SLC25A26: variants seen among roughly 807,000 people sequenced by gnomAD.
The protein encoded by SLC25A26 is solute carrier family 25 member 26, also known as mitochondrial S-adenosylmethionine carrier protein.
Under a neutral mutation model 37.8 loss-of-function variants are expected in SLC25A26, and 36 were observed. The ratio of observed to expected loss-of-function variants is 0.95; its 90% CI spans 0.73 to 1.26. The LOEUF (loss-of-function observed/expected upper bound fraction) is 1.26. Ranked by LOEUF, SLC25A26 falls within the 50% of genes most tolerant of loss-of-function variation. SLC25A26 has a pLI of 0.00. For missense variants in SLC25A26, 390 were observed against 331.1 expected, an observed-to-expected ratio of 1.18 and a Z score of -1.38; for synonymous variants, 129 against 122.5, an observed-to-expected ratio of 1.05 and a Z score of -0.35.
intron 7 of SLC25A26, among the ~76,000 whole-genome samples, chr3:66,366,542 C>T (rs1359223281): frequency 3.3e-5 from 5 of 152,188 alleles, no homozygotes; most frequent in African/African-American, 1.2e-4. Context: ...ATGTTTCTGT[C>T]TGTAACTTTT....
chr3:66,273,673 T>C (rs2074033293), intron 5 of SLC25A26, among the ~76,000 whole-genome samples: 5 of 152,052 alleles, frequency 3.3e-5, no homozygotes, highest in Admixed American at 3.3e-4. Flanking sequence ...AATAAAATAC[T>C]TAGGAATCTA....
intron 1 of SLC25A26, among the ~76,000 whole-genome samples, chr3:66,213,480 A>G (rs1020951224): frequency 1.3e-4 from 18 of 142,464 alleles, no homozygotes; most frequent in African/African-American, 4.6e-4. Context: ...AATTTTTTTT[A>G]GAGAAATTTT....
intron 1 of SLC25A26, among the ~76,000 whole-genome samples, chr3:66,182,003 T>C (rs2070718784): frequency 6.6e-6 from 1 of 152,196 alleles, no homozygotes; most frequent in Non-Finnish European, 1.5e-5. Flanking sequence ...TGCCTTGTTT[T>C]AGCTCAAAGA....
At chr3:66,266,897 A>G (rs1010847929) in intron 5 of SLC25A26, among the ~76,000 whole-genome samples, 59 of 152,170 alleles carry the variant, frequency 3.9e-4, no homozygotes, top group African/African-American at 1.4e-3. Flanking sequence ...ATACTCTTGG[A>G]TGTGAATTAG....
At chr3:66,181,867 G>A (rs759182746) in intron 1 of SLC25A26, among the ~76,000 whole-genome samples, 38 of 142,288 alleles carry the variant, frequency 2.7e-4, no homozygotes, top group Admixed American at 9.0e-4. Flanking sequence ...CTGGACCTGC[G>A]TGTCTTTTCT....
At chr3:66,351,921 T>C (rs2076462271) in intron 6 of SLC25A26, among the ~76,000 whole-genome samples, 3 of 152,022 alleles carry the variant, frequency 2.0e-5, no homozygotes, top group African/African-American at 4.8e-5. Flanking sequence ...TCCCAAAATA[T>C]CTTCTTCACA....
intron 5 of SLC25A26, among the ~76,000 whole-genome samples, chr3:66,282,052 C>A (rs573023447): frequency 3.6e-5 from 5 of 138,942 alleles, no homozygotes; most frequent in Non-Finnish European, 6.0e-5. Context: ...TCGCCCAGGC[C>A]GGACTGCGGA....
chr3:66,276,960 A>G (rs1255257563), intron 5 of SLC25A26, among the ~76,000 whole-genome samples: 1 of 151,628 alleles, frequency 6.6e-6, no homozygotes, highest in African/African-American at 2.4e-5. Context: ...ACTGTTTGAA[A>G]AAAAAAAAAA....
At position 66,222,274 on chromosome 3, in the gene SLC25A26, G is replaced by C. The variant is rs141269598; in HGVS notation, c.33+1147G>C. On this transcript the variant is annotated intron_variant, in intron 1 of 9. Transcript: ENST00000354883. The stretch of plus-strand genomic sequence containing the variant: ...CGGCTCACTGCAGGCTCCACCTCTC[G>C]GGTTCACGCCATTCTCCTGCCTCAG... Among the ~76,000 whole-genome samples the C allele has an allele frequency of 2.6e-3, 386 of 151,052 alleles. 1 individual carries two copies. The highest frequency in any genetic ancestry group is 9.2e-3 in the African/African-American group (379 of 41,068).
intron 5 of SLC25A26, among the ~76,000 whole-genome samples, chr3:66,263,648 T>C (rs902973299): frequency 3.5e-5 from 5 of 143,674 alleles, no homozygotes; most frequent in African/African-American, 5.4e-5. Flanking sequence ...ATGTCTCTTA[T>C]AGTTGAAGTA....
chr3:66,257,715 A>G (rs1409538990), intron 3 of SLC25A26, among the ~76,000 whole-genome samples: 3 of 152,138 alleles, frequency 2.0e-5, no homozygotes, highest in African/African-American at 7.2e-5. Flanking sequence ...CTGTGTTAAA[A>G]CCACACTATT....
chr3:66,326,649 C>T (rs891190423), intron 5 of SLC25A26, among the ~76,000 whole-genome samples: 1 of 152,320 alleles, frequency 6.6e-6, no homozygotes, highest in African/African-American at 2.4e-5. Flanking sequence ...GCCTGGGTTC[C>T]CGAGAAGCAG....
At chr3:66,320,602 A>G (rs937772408) in intron 5 of SLC25A26, among the ~76,000 whole-genome samples, 3 of 152,202 alleles carry the variant, frequency 2.0e-5, no homozygotes, top group East Asian at 3.8e-4. Context: ...GTGTATACCT[A>G]TAAGTGGAGT....
intron 6 of SLC25A26, among the ~76,000 whole-genome samples, chr3:66,351,388 A>G (rs991109253): frequency 2.0e-5 from 3 of 152,240 alleles, no homozygotes; most frequent in Admixed American, 2.0e-4. Flanking sequence ...AAAGTCTTAG[A>G]GAAGATAATT....
At chr3:66,331,527 A>G (rs1267993327) in intron 5 of SLC25A26, among the ~76,000 whole-genome samples, 3 of 152,174 alleles carry the variant, frequency 2.0e-5, no homozygotes, top group African/African-American at 4.8e-5. Flanking sequence ...AACAGAATAT[A>G]GATAGGTCTT....
chr3:66,239,270 T>G (rs893394328), intron 2 of SLC25A26, among the ~76,000 whole-genome samples: 33 of 152,102 alleles, frequency 2.2e-4, no homozygotes, highest in African/African-American at 8.0e-4. Context: ...CAACCTTTTT[T>G]TTTTTTTGCC....
At chr3:66,306,939 G>A (rs1315048267) in intron 5 of SLC25A26, among the ~76,000 whole-genome samples, 3 of 152,088 alleles carry the variant, frequency 2.0e-5, no homozygotes, top group African/African-American at 7.2e-5. Flanking sequence ...CAAGTCTTTG[G>A]TATTGTAAAT....
At chr3:66,179,680 C>T (rs1467243374) in intron 1 of SLC25A26, among the ~76,000 whole-genome samples, 2 of 151,832 alleles carry the variant, frequency 1.3e-5, no homozygotes, top group Admixed American at 6.6e-5. Context: ...AACATATACG[C>T]TTTAGTTTAT....
At chr3:66,179,698 A>T (rs2106752654) in intron 1 of SLC25A26, among the ~76,000 whole-genome samples, 1 of 152,222 alleles carries the variant, frequency 6.6e-6, no homozygotes, top group Non-Finnish European at 1.5e-5. Context: ...TATCTTCCAT[A>T]AGAACTTCTT....
Sources: gnomAD v4.1 joint callset for allele counts (sites outside exome capture counted in the v4.1 genomes callset) on GRCh38, gnomAD v4.1.1 for gene constraint, MANE v1.5 for transcripts, NCBI Gene and HGNC (gene_info 2026-07-23, HGNC 2026-07-21) for gene names.